Variants in ZHX2 observed in about 807,000 individuals in gnomAD.
ZHX2 encodes zinc fingers and homeoboxes protein 2.
In ZHX2, 6 loss-of-function variants were observed where a neutral mutation model predicts 21.9. That is an observed-to-expected ratio of 0.27 (90% confidence interval 0.15 to 0.54). ZHX2 has a LOEUF of 0.54. Ranked by LOEUF, ZHX2 falls within the 20% of genes least tolerant of loss-of-function variation. The pLI is 0.95. For synonymous variants in ZHX2, 434 were observed against 437.1 expected, an observed-to-expected ratio of 0.99 and a Z score of 0.09; for missense variants, 908 against 1,090.7, an observed-to-expected ratio of 0.83 and a Z score of 2.36.
rs12675789 is a variant in ZHX2, at chr8:122,828,706, G to A, written c.-282-34771G>A. Among the ~76,000 whole-genome samples the A allele has an allele frequency of 0.29, 44,840 of 152,064 alleles. 7,732 individuals carry two copies. The highest frequency in any genetic ancestry group is 0.48 in the Middle Eastern group (141 of 294). On this transcript the variant is annotated intron_variant, in intron 1 of 3. Transcript: ENST00000314393. This position sits in a 1 kb window ranked among gnomAD's most constrained non-coding sequence, Gnocchi z 5.2. ...GAGGGAATGAGTGGTTCATTTAATC[G>A]CAGGTGTGTTCCCACGCTTCGCAGG...
intron 1 of ZHX2, among the ~76,000 whole-genome samples, chr8:122,793,562 T>C (rs1168837541): frequency 6.6e-6 from 1 of 152,226 alleles, no homozygotes; most frequent in African/African-American, 2.4e-5. Flanking sequence ...ATCATGGCCT[T>C]TTTTGTAACC....
At chr8:122,802,653 A>G (rs1208704116) in intron 1 of ZHX2, among the ~76,000 whole-genome samples, 1 of 152,212 alleles carries the variant, frequency 6.6e-6, no homozygotes, top group Non-Finnish European at 1.5e-5. Flanking sequence ...ATACCAAGGC[A>G]GTGGGTCTGC....
chr8:122,932,313 C>T (rs1821013895), intron 2 of ZHX2, among the ~76,000 whole-genome samples: 1 of 151,756 alleles, frequency 6.6e-6, no homozygotes, highest in African/African-American at 2.4e-5. Flanking sequence ...CAAGTTTATT[C>T]TCTTTAATTT....
In ZHX2 at chr8:122,873,612, T is replaced by C. The variant is rs116754307; in HGVS notation, c.-220+10073T>C. On this transcript the variant is annotated intron_variant, in intron 2 of 3. Coordinates refer to ENST00000314393, the MANE Select transcript of ZHX2 (RefSeq NM_014943.5). ...CCACTCTGGTGAGTTCTCTGGTTTATATTGCAGACAACAATGTATTTGATC... is the reference window on the plus strand; with the variant it reads ...CCACTCTGGTGAGTTCTCTGGTTTACATTGCAGACAACAATGTATTTGATC... 4.1e-3 allele frequency among the ~76,000 whole-genome samples: 629 copies of C among 152,338 alleles called. 6 individuals are homozygous for C. Among genetic ancestry groups the C allele is most frequent in the African/African-American group, 0.014 (586 of 41,568 alleles).
In ZHX2 at chr8:122,862,657, C is replaced by A. The variant is rs543899720; in HGVS notation, c.-282-820C>A. On this transcript the variant is annotated intron_variant, in intron 1 of 3. Coordinates refer to ENST00000314393, the MANE Select transcript of ZHX2 (RefSeq NM_014943.5). Reference sequence around the variant, plus strand: ...CACCTGAAAGTTTTCTTTCCCCCAGCCAAAAGGTTCTCCTTTGAAAACAGG... The same window carrying A: ...CACCTGAAAGTTTTCTTTCCCCCAGACAAAAGGTTCTCCTTTGAAAACAGG... Among the ~76,000 whole-genome samples the A allele has an allele frequency of 3.3e-5, 5 of 152,286 alleles. No individual in the cohort carries two copies. In the South Asian group the frequency reaches 6.2e-4, roughly 19 times the overall value.
Position 122,845,841 on chromosome 8 carries a change from C to T in ZHX2, c.-282-17636C>T, listed in dbSNP as rs186226745. On this transcript the variant is annotated intron_variant, in intron 1 of 3. Coordinates refer to ENST00000314393, the MANE Select transcript of ZHX2 (RefSeq NM_014943.5). Reference sequence around the variant, plus strand: ...GTGGTAGATGCTGAGTCAGAAAAGACAGGAAAGAGCCACAACACATAGGGC... The same window carrying T: ...GTGGTAGATGCTGAGTCAGAAAAGATAGGAAAGAGCCACAACACATAGGGC... Among the ~76,000 whole-genome samples, 917 of 152,346 alleles carry T rather than the reference C, an allele frequency of 6.0e-3. 6 individuals are homozygous for T. Among genetic ancestry groups the T allele is most frequent in the Middle Eastern group, 0.017 (5 of 294 alleles).
chr8:122,926,937 A>G (rs1448778173), intron 2 of ZHX2, among the ~76,000 whole-genome samples: 2 of 152,070 alleles, frequency 1.3e-5, no homozygotes, highest in Non-Finnish European at 2.9e-5. Flanking sequence ...ATCCAGAATG[A>G]TCTCCCCACC....
intron 1 of ZHX2, chr8:122,816,375 C>T (rs1045201367): frequency 4.6e-5 from 7 of 151,716 alleles, no homozygotes; most frequent in Non-Finnish European, 1.0e-4. Context: ...TGCTTTATTG[C>T]AGTGGTCTGG....
At chr8:122,857,151 G>A (rs992122553) in intron 1 of ZHX2, among the ~76,000 whole-genome samples, 1 of 152,110 alleles carries the variant, frequency 6.6e-6, no homozygotes. Flanking sequence ...ATGCCTCTCT[G>A]TGCAATCTTG....
rs544458846 is a variant in ZHX2, at chr8:122,857,491, G to A, written c.-282-5986G>A. 8.5e-4 allele frequency among the ~76,000 whole-genome samples: 130 copies of A among 152,238 alleles called. 1 individual carries two copies. The highest frequency in any genetic ancestry group is 1.6e-3 in the Non-Finnish European group (107 of 68,032). On this transcript the variant is annotated intron_variant, in intron 1 of 3. Coordinates refer to ENST00000314393, the MANE Select transcript of ZHX2 (RefSeq NM_014943.5). ...TTGAAACAAATATGGGTCAATTCTA[G>A]AGTTGAATTCAGTATTCTCGTAAAT...
At chr8:122,914,587 T>A (rs1239716855) in intron 2 of ZHX2, among the ~76,000 whole-genome samples, 2 of 152,238 alleles carry the variant, frequency 1.3e-5, no homozygotes, top group Non-Finnish European at 2.9e-5. Flanking sequence ...CTTGGCATTT[T>A]ACCACTTCCC....
chr8:122,925,054 G>A (rs1457429423), intron 2 of ZHX2, among the ~76,000 whole-genome samples: 1 of 152,144 alleles, frequency 6.6e-6, no homozygotes, highest in Non-Finnish European at 1.5e-5. Flanking sequence ...GGAAAAGGGG[G>A]ACCCCACTGA....
At chr8:122,836,777 G>T (rs906623721) in intron 1 of ZHX2, among the ~76,000 whole-genome samples, 1 of 152,358 alleles carries the variant, frequency 6.6e-6, no homozygotes, top group Non-Finnish European at 1.5e-5. Context: ...GGCCCACACT[G>T]CTGGCGCAAG....
chr8:122,861,348 T>C (rs1586335990), intron 1 of ZHX2, among the ~76,000 whole-genome samples: 1 of 152,194 alleles, frequency 6.6e-6, no homozygotes, highest in African/African-American at 2.4e-5. Flanking sequence ...TTCCACTGTA[T>C]ATCTTAACTT....
chr8:122,791,085 G>A lies in ZHX2; in HGVS notation c.-283+9139G>A, dbSNP rs1046965113. Among the ~76,000 whole-genome samples, 9 of 152,190 alleles carry A rather than the reference G, an allele frequency of 5.9e-5. No individual in the cohort carries two copies. The East Asian group carries it at 1.3e-3, about 23-fold the overall frequency. On this transcript the variant is annotated intron_variant, in intron 1 of 3. Transcript: ENST00000314393. ...CTGTGGCTCCAGCAAAAGGGCTGTGGCCCCTCCTCCATGGATTAGAACCTG... is the reference window on the plus strand; with the variant it reads ...CTGTGGCTCCAGCAAAAGGGCTGTGACCCCTCCTCCATGGATTAGAACCTG...
At chr8:122,926,277 A>C (rs1820849834) in intron 2 of ZHX2, among the ~76,000 whole-genome samples, 1 of 152,170 alleles carries the variant, frequency 6.6e-6, no homozygotes. Context: ...GGTGCGGAAC[A>C]AGGGTTGAGG....
intron 1 of ZHX2, among the ~76,000 whole-genome samples, chr8:122,858,638 C>CTTTTT (rs34399149): frequency 5.4e-4 from 45 of 82,732 alleles, no homozygotes; most frequent in South Asian, 9.2e-4. Context: ...TTCTTTCTTT[C>CTTTTT]TTTTTTTTTT....
At chr8:122,948,200 C>T (rs184451933) in intron 2 of ZHX2, among the ~76,000 whole-genome samples, 2 of 152,238 alleles carry the variant, frequency 1.3e-5, no homozygotes, top group Non-Finnish European at 2.9e-5. Flanking sequence ...ATAAGTTCTT[C>T]GCTTTGGCCT....
At chr8:122,789,207 G>A (rs1300148189) in intron 1 of ZHX2, among the ~76,000 whole-genome samples, 1 of 152,222 alleles carries the variant, frequency 6.6e-6, no homozygotes, top group African/African-American at 2.4e-5. Context: ...GAGGATCATT[G>A]TAATTGGGAG....
Sources: allele counts gnomAD v4.1 joint callset (sites outside exome capture counted in the v4.1 genomes callset), GRCh38; gene constraint gnomAD v4.1.1; non-coding constraint Gnocchi (gnomAD v3.1); transcripts MANE v1.5; gene names NCBI Gene and HGNC (gene_info 2026-07-23, HGNC 2026-07-21).